PTPRD: variants seen among roughly 807,000 people sequenced by gnomAD.
The protein encoded by PTPRD is receptor-type tyrosine-protein phosphatase delta.
Under a neutral mutation model 214.5 loss-of-function variants are expected in PTPRD, and 34 were observed. The ratio of observed to expected loss-of-function variants is 0.16; its 90% CI spans 0.12 to 0.21. The LOEUF is 0.21. PTPRD is among the 10% of genes least tolerant of loss of function. PTPRD has a pLI of 1.00. For missense variants in PTPRD, 2,545 were observed against 2,398.7 expected (o/e 1.06, Z -1.27); for synonymous variants, 1,128 against 845.7 (o/e 1.33, Z -5.79).
chr9:9,418,387 T>C (rs1044289924), intron 8 of PTPRD, among the ~76,000 whole-genome samples: 3 of 152,000 alleles, frequency 2.0e-5, no homozygotes, highest in South Asian at 4.1e-4. Context: ...TCACTGGTCA[T>C]GTTAGGATTT....
chr9:9,292,411 T>A (rs968213199), intron 9 of PTPRD, among the ~76,000 whole-genome samples: 2 of 151,548 alleles, frequency 1.3e-5, no homozygotes, highest in Non-Finnish European at 3.0e-5. Context: ...CAGTAACACA[T>A]AAGAGGTTTT....
intron 10 of PTPRD, among the ~76,000 whole-genome samples, chr9:9,062,217 A>G (rs565068639): frequency 1.3e-5 from 2 of 152,364 alleles, no homozygotes; most frequent in South Asian, 2.1e-4. Context: ...CAAAACAAGT[A>G]GAATTACATG....
intron 2 of PTPRD, among the ~76,000 whole-genome samples, chr9:10,594,834 C>T (rs915975212): frequency 6.6e-6 from 1 of 151,934 alleles, no homozygotes; most frequent in Non-Finnish European, 1.5e-5. Flanking sequence ...ATACACATTT[C>T]TGAGCAGCTC....
At chr9:8,529,856 A>G (rs946188041) in intron 14 of PTPRD, among the ~76,000 whole-genome samples, 5 of 152,168 alleles carry the variant, frequency 3.3e-5, no homozygotes, top group Admixed American at 6.5e-5. Context: ...TTTGTTACAT[A>G]TGTACACATG....
intron 11 of PTPRD, among the ~76,000 whole-genome samples, chr9:8,889,024 A>T (rs1185484327): frequency 6.6e-6 from 1 of 152,218 alleles, no homozygotes; most frequent in Non-Finnish European, 1.5e-5. Context: ...CAAGATATTA[A>T]ATAATAAGGA....
chr9:9,609,899 T>TA (rs1460908952), intron 7 of PTPRD, among the ~76,000 whole-genome samples: 4 of 152,190 alleles, frequency 2.6e-5, no homozygotes, highest in South Asian at 2.1e-4. Context: ...AACTAATTTA[T>TA]AAAAAAATAA....
intron 44 of PTPRD, 22 bp downstream of exon 44, chr9:8,331,560 T>TTATTCACA (rs1563995485): frequency 4.4e-6 from 4 of 913,222 alleles, no homozygotes; most frequent in Admixed American, 7.9e-5. Flanking sequence ...TATCACTGCT[T>TTATTCACA]TATTCACAAA....
At chr9:9,941,631 A>G (rs139386892) in intron 4 of PTPRD, among the ~76,000 whole-genome samples, 179 of 152,238 alleles carry the variant, frequency 1.2e-3, no homozygotes, top group African/African-American at 1.5e-3. Flanking sequence ...CCAAATGTGT[A>G]TATCTATAAT....
chr9:9,416,789 T>G (rs919380632), intron 8 of PTPRD, among the ~76,000 whole-genome samples: 2 of 152,182 alleles, frequency 1.3e-5, no homozygotes, highest in Non-Finnish European at 2.9e-5. Flanking sequence ...TTTTTCAAAG[T>G]CACATGGTGA....
rs138224002 is a variant in PTPRD at position 10,050,020 on chromosome 9, G to C, written c.-544-16230C>G. On this transcript the variant is annotated intron_variant, in intron 3 of 45. Transcript: ENST00000381196. The stretch of plus-strand genomic sequence containing the variant: ...ACTTTTTCATCAGGAAGAAGGTTCT[G>C]TGAAGCCTGAGATCTCATCTGTTAG... Among the ~76,000 whole-genome samples the C allele has an allele frequency of 5.1e-4, 78 of 152,230 alleles. No individual in the cohort carries two copies. In the East Asian group the frequency reaches 0.014, roughly 27 times the overall value.
chr9:10,083,392 G>T (rs1285532194), intron 3 of PTPRD, among the ~76,000 whole-genome samples: 1 of 151,984 alleles, frequency 6.6e-6, no homozygotes, highest in Non-Finnish European at 1.5e-5. Flanking sequence ...AAATGTGGCT[G>T]TATGAAAAGG....
intron 3 of PTPRD, among the ~76,000 whole-genome samples, chr9:10,205,992 G>C: frequency 6.7e-6 from 1 of 149,414 alleles, no homozygotes; most frequent in Non-Finnish European, 1.5e-5. Context: ...TAGTAGAGGA[G>C]TCTGATATGT....
At chr9:10,001,481 G>C (rs1364193393) in intron 4 of PTPRD, among the ~76,000 whole-genome samples, 1 of 152,022 alleles carries the variant, frequency 6.6e-6, no homozygotes, top group East Asian at 1.9e-4. Context: ...ATTATCAGTA[G>C]ACAAAGATAA....
At chr9:10,043,981 A>T (rs2097344098) in intron 3 of PTPRD, among the ~76,000 whole-genome samples, 1 of 151,856 alleles carries the variant, frequency 6.6e-6, no homozygotes, top group African/African-American at 2.4e-5. Context: ...ACAGAGACAA[A>T]AGCTCAGAAT....
Position 8,339,058 on chromosome 9 carries a change from A to C in PTPRD, c.5254-11T>G. 1 of 1,609,218 alleles carries C rather than the reference A, an allele frequency of 6.2e-7. No homozygotes were observed. Among genetic ancestry groups the C allele is most frequent in the Non-Finnish European group, 8.5e-7 (1 of 1,176,860 alleles). On this transcript the variant is annotated splice_polypyrimidine_tract_variant and intron_variant, in intron 42 of 45. Coordinates refer to ENST00000381196, the MANE Select transcript of PTPRD (RefSeq NM_002839.4). ...TTGGTGACATTTCTCCTAAAAGGAG[A>C]GAAGATTAATGTTAAACTATGCAAA...
At chr9:9,917,302 G>GAAAA (rs140708788) in intron 5 of PTPRD, among the ~76,000 whole-genome samples, 1,708 of 21,010 alleles carry the variant, frequency 0.081, 87 homozygotes, top group Middle Eastern at 0.12. Flanking sequence ...TAGCTAGACT[G>GAAAA]AAAAAAAAAA....
chr9:9,205,692 G>A (rs1057317896), intron 9 of PTPRD, among the ~76,000 whole-genome samples: 3 of 152,030 alleles, frequency 2.0e-5, no homozygotes, highest in African/African-American at 7.2e-5. Context: ...TCTGTATGCT[G>A]TAATTGCCAA....
chr9:10,444,947 C>T (rs1268599627), intron 2 of PTPRD, among the ~76,000 whole-genome samples: 1 of 151,658 alleles, frequency 6.6e-6, no homozygotes, highest in Non-Finnish European at 1.5e-5. Flanking sequence ...TACAGAAGAA[C>T]AATACAAAAC....
chr9:9,791,076 T>G (rs1449543784), intron 5 of PTPRD, among the ~76,000 whole-genome samples: 1 of 152,180 alleles, frequency 6.6e-6, no homozygotes, highest in Non-Finnish European at 1.5e-5. Context: ...CCTTAAAATT[T>G]CTACTCTAGT....
Sources: allele counts gnomAD v4.1 joint callset (sites outside exome capture counted in the v4.1 genomes callset), GRCh38; gene constraint gnomAD v4.1.1; transcripts MANE v1.5; gene names NCBI Gene and HGNC (gene_info 2026-07-23, HGNC 2026-07-21).